ANKRD17: variants seen among roughly 807,000 people sequenced by gnomAD.
ANKRD17 encodes ankyrin repeat domain-containing protein 17.
Under a neutral mutation model 229.7 loss-of-function variants are expected in ANKRD17, and 19 were observed. The observed-to-expected ratio is 0.08, with a 90% CI of 0.06 to 0.12. The LOEUF (loss-of-function observed/expected upper bound fraction) is 0.12. ANKRD17 is among the 10% of genes least tolerant of loss of function. The pLI is 1.00. For synonymous variants in ANKRD17, 1,112 were observed against 1,146.1 expected, an observed-to-expected ratio of 0.97 and a Z score of 0.60; for missense variants, 2,176 against 3,176.8, an observed-to-expected ratio of 0.68 and a Z score of 7.57.
At chr4:73,171,218 A>AGAGAGAGAGAGAGG (rs1560646272) in intron 2 of ANKRD17, among the ~76,000 whole-genome samples, 1 of 150,650 alleles carries the variant, frequency 6.6e-6, no homozygotes, top group African/African-American at 2.5e-5. Flanking sequence ...AGAGAGAGAG[A>AGAGAGAGAGAGAGG]GAGACTGAGA....
chr4:73,101,021 A>ACATAGCATTTG, intron 25 of ANKRD17: 1 of 962,444 alleles, frequency 1.0e-6, no homozygotes, highest in Non-Finnish European at 1.2e-6. Context: ...ACAACTATTT[A>ACATAGCATTTG]CATAGCATTT....
chr4:73,102,747 T>C (rs571021393), intron 24 of ANKRD17, 200 bp from the exon 25 acceptor site: 2 of 529,764 alleles, frequency 3.8e-6, no homozygotes, highest in African/African-American at 4.0e-5. Flanking sequence ...AAATTAACAA[T>C]ATAAGACTAA....
At chr4:73,130,700 C>G (rs1490754050) in intron 16 of ANKRD17, among the ~76,000 whole-genome samples, 1 of 150,928 alleles carries the variant, frequency 6.6e-6, no homozygotes. Context: ...AAACAACAAG[C>G]AGTTTAGGAA....
chr4:73,222,243 C>A (rs1425799352), intron 1 of ANKRD17, among the ~76,000 whole-genome samples: 1 of 152,008 alleles, frequency 6.6e-6, no homozygotes, highest in East Asian at 1.9e-4. Context: ...ACATTCAATG[C>A]CAAAAGCAAT....
chr4:73,200,939 A>G (rs1244812527), intron 1 of ANKRD17, among the ~76,000 whole-genome samples: 1 of 133,956 alleles, frequency 7.5e-6, no homozygotes, highest in African/African-American at 2.8e-5. Context: ...TACCCAGAAT[A>G]AAAAAGGTAT....
chr4:73,083,314 T>G (rs1423332169), intron 30 of ANKRD17, among the ~76,000 whole-genome samples: 1 of 152,242 alleles, frequency 6.6e-6, no homozygotes, highest in Non-Finnish European at 1.5e-5. Context: ...CATGTTAACC[T>G]ATTAGGTATT....
chr4:73,214,220 C>A (rs950062744), intron 1 of ANKRD17, among the ~76,000 whole-genome samples: 3 of 152,106 alleles, frequency 2.0e-5, no homozygotes, highest in Admixed American at 1.3e-4. Context: ...GATAGAGTGA[C>A]CTACAGGGTG....
At position 73,118,842 on chromosome 4, in the gene ANKRD17, T is replaced by C; in HGVS notation, c.4034A>G (p.His1345Arg). Residue 1345 changes from histidine (H) to arginine (R), a missense_variant, in exon 22 of 34, where the codon CAT (histidine) becomes CGT (arginine). Physicochemically the swap from His to Arg is conservative, Grantham distance 29. This residue lies in a region of ANKRD17 where 178 missense variants were observed against 421.7 expected (regional missense o/e 0.42). Coordinates refer to ENST00000358602, the MANE Select transcript of ANKRD17 (RefSeq NM_032217.5). ...FCELLIGRGA[H>R]IDVRNKKGNT... Reference sequence around the variant, plus strand: ...CCCCTTCTTGTTACGTACATCAATATGAGCTCCCCTAAAAACCAATGACAC... The same window carrying C: ...CCCCTTCTTGTTACGTACATCAATACGAGCTCCCCTAAAAACCAATGACAC... 6.2e-7 allele frequency: 1 copy of C among 1,611,216 alleles called. No homozygotes were observed. Among genetic ancestry groups the C allele is most frequent in the Non-Finnish European group, 8.5e-7 (1 of 1,178,992 alleles).
chr4:73,117,894 T>G (rs1726169831), intron 22 of ANKRD17, among the ~76,000 whole-genome samples: 1 of 152,238 alleles, frequency 6.6e-6, no homozygotes, highest in Non-Finnish European at 1.5e-5. Context: ...TGTTTTACTT[T>G]CACGGAATTT....
chr4:73,235,176 T>TA lies in ANKRD17; in HGVS notation c.393+23099dup, dbSNP rs556804553. 5.3e-4 allele frequency among the ~76,000 whole-genome samples: 81 copies of TA among 152,308 alleles called. 1 individual carries two copies. The South Asian group carries it at 0.016, about 29-fold the overall frequency. ...TCATCCCTCTTTTTTATGGGGAATG[T>TA]ATTCATGTGCTTTGGGTAGAGGTGA... On this transcript the variant is annotated intron_variant, in intron 1 of 33. Coordinates refer to ENST00000358602, the MANE Select transcript of ANKRD17 (RefSeq NM_032217.5).
At chr4:73,199,783 G>A (rs895927222) in intron 1 of ANKRD17, among the ~76,000 whole-genome samples, 1 of 152,088 alleles carries the variant, frequency 6.6e-6, no homozygotes, top group African/African-American at 2.4e-5. Flanking sequence ...CTGTCTTTTT[G>A]TTGTAGTTTG....
intron 16 of ANKRD17, among the ~76,000 whole-genome samples, chr4:73,132,272 C>A (rs1403590383): frequency 6.6e-6 from 1 of 151,972 alleles, no homozygotes; most frequent in African/African-American, 2.4e-5. Flanking sequence ...CCATGCCCGG[C>A]TAATTTTTGT....
chr4:73,098,655 A>G (rs1723584851), intron 25 of ANKRD17, 135 bp from the exon 26 acceptor site: 6 of 896,284 alleles, frequency 6.7e-6, no homozygotes, highest in East Asian at 2.6e-5. Context: ...TCTCACATTC[A>G]TCGGTAATGA....
At chr4:73,165,271 A>G (rs1054078688) in intron 2 of ANKRD17, among the ~76,000 whole-genome samples, 2 of 152,216 alleles carry the variant, frequency 1.3e-5, no homozygotes, top group Admixed American at 6.5e-5. Context: ...CCAGCTGAAC[A>G]CTTGTGAGGA....
At chr4:73,161,066 A>G in intron 3 of ANKRD17, 126 bp downstream of exon 3, 1 of 1,173,138 alleles carries the variant, frequency 8.5e-7, no homozygotes, top group East Asian at 2.6e-5. Context: ...TCTAAATAAG[A>G]CATCACATGT....
At chr4:73,229,654 C>T (rs1382011898) in intron 1 of ANKRD17, among the ~76,000 whole-genome samples, 2 of 148,284 alleles carry the variant, frequency 1.3e-5, no homozygotes, top group East Asian at 3.9e-4. Context: ...TATATATATA[C>T]AGCTGATATA....
At chr4:73,154,376 T>G (rs966858612) in intron 5 of ANKRD17, among the ~76,000 whole-genome samples, 1 of 152,072 alleles carries the variant, frequency 6.6e-6, no homozygotes, top group African/African-American at 2.4e-5. Flanking sequence ...TTATCCAGAC[T>G]GGGGAGTTGT....
intron 1 of ANKRD17, among the ~76,000 whole-genome samples, chr4:73,206,422 AAGTGAGAGAGAG>A (rs1278258526): frequency 3.1e-4 from 45 of 144,780 alleles, no homozygotes; most frequent in African/African-American, 6.6e-4. Context: ...GAGAGAAAGA[AAGTGAGAGAGAG>A]AGAGAGAGAG....
At chr4:73,222,420 G>T (rs1266712320) in intron 1 of ANKRD17, among the ~76,000 whole-genome samples, 6 of 151,832 alleles carry the variant, frequency 4.0e-5, no homozygotes, top group Non-Finnish European at 7.4e-5. Flanking sequence ...TAAATTTCAG[G>T]GTTTTAATAT....
Sources: allele counts gnomAD v4.1 joint callset (sites outside exome capture counted in the v4.1 genomes callset), GRCh38; gene constraint gnomAD v4.1.1; regional missense constraint gnomAD v4.1.1; transcripts MANE v1.5; gene names NCBI Gene and HGNC (gene_info 2026-07-23, HGNC 2026-07-21).